Variants in VPS72 observed in about 807,000 individuals in gnomAD.
VPS72 encodes the protein vacuolar protein sorting-associated protein 72 homolog.
VPS72 carries 27 observed loss-of-function variants against 38.9 expected under a neutral mutation model. The observed-to-expected ratio is 0.69, with a 90% CI of 0.51 to 0.96. The LOEUF is 0.96. Ranked by LOEUF, VPS72 falls within the 40% of genes least tolerant of loss-of-function variation. The pLI, the probability that VPS72 is intolerant of heterozygous loss-of-function variation, is 0.00. For synonymous variants in VPS72, 173 were observed against 186.3 expected, an observed-to-expected ratio of 0.93 and a Z score of 0.58; for missense variants, 360 against 479.5, an observed-to-expected ratio of 0.75 and a Z score of 2.33.
chr1:151,188,788 T>C (rs587765018), intron 1 of VPS72, among the ~76,000 whole-genome samples: 2 of 152,326 alleles, frequency 1.3e-5, no homozygotes, highest in South Asian at 4.1e-4. Flanking sequence ...GGTTCAGATG[T>C]ATTACCTTAA....
chr1:151,183,551 T>G (rs2101726681), intron 4 of VPS72, among the ~76,000 whole-genome samples: 1 of 145,738 alleles, frequency 6.9e-6, no homozygotes, highest in East Asian at 2.2e-4. Flanking sequence ...AACTTCCACC[T>G]CCCAGGTTCA....
rs181171653 is a variant in VPS72 at position 151,188,907 on chromosome 1, T to C, written c.117+1098A>G. Among the ~76,000 whole-genome samples, 1,417 of 152,212 alleles carry C rather than the reference T, an allele frequency of 9.3e-3. 7 individuals carry two copies. Among genetic ancestry groups the C allele is most frequent in the Middle Eastern group, 0.02 (6 of 294 alleles). On this transcript the variant is annotated intron_variant, in intron 1 of 5. Transcript: ENST00000368892. Reference sequence around the variant, plus strand: ...GTGCAGTGGTACGATCTCGGCTCACTGCAACCTCCTCCTCCCAGGTTCAAG... The same window carrying C: ...GTGCAGTGGTACGATCTCGGCTCACCGCAACCTCCTCCTCCCAGGTTCAAG...
chr1:151,181,599 A>G (rs1310654381), intron 4 of VPS72, among the ~76,000 whole-genome samples: 2 of 152,038 alleles, frequency 1.3e-5, no homozygotes, highest in Admixed American at 6.6e-5. Context: ...CAATCACTTC[A>G]GTCACTCTCC....
At position 151,176,980 on chromosome 1, in the gene VPS72, T is replaced by C; in HGVS notation, c.759A>G (p.Gly253=). Residue 253 remains glycine, a synonymous_variant, in exon 6 of 6, where the codon GGA becomes GGG. Transcript: ENST00000368892. ...VSALTPHAGT[G]PVNPPARCSR... is the part of the protein sequence containing the mutation. ...AGCAGCGAGCAGGGGGGTTGACGGG[T>C]CCAGTCCCAGCATGAGGAGTCAATG... 6.2e-7 allele frequency: 1 copy of C among 1,601,268 alleles called. No homozygotes were observed. Among genetic ancestry groups the C allele is most frequent in the Non-Finnish European group, 8.5e-7 (1 of 1,172,332 alleles).
Position 151,176,989 on chromosome 1 carries a change from A to G in VPS72, c.750T>C (p.Ala250=). The G allele has an allele frequency of 3.1e-6, 5 of 1,594,504 alleles. No individual in the cohort carries two copies. The highest frequency in any genetic ancestry group is 4.3e-6 in the Non-Finnish European group (5 of 1,168,510). Residue 250 remains alanine, a synonymous_variant, in exon 6 of 6, where the codon GCT becomes GCC. Coordinates refer to ENST00000368892, the MANE Select transcript of VPS72 (RefSeq NM_005997.3). ...APSVSALTPH[A]GTGPVNPPAR... ...CAGGGGGGTTGACGGGTCCAGTCCC[A>G]GCATGAGGAGTCAATGCAGACACCG...
chr1:151,179,932 A>G (rs1322943944), intron 4 of VPS72, among the ~76,000 whole-genome samples: 1 of 152,058 alleles, frequency 6.6e-6, no homozygotes, highest in Admixed American at 6.6e-5. Context: ...GAATCAAAAT[A>G]TTCCTCGTCC....
chr1:151,176,850 G>A lies in VPS72; in HGVS notation c.889C>T (p.Arg297Cys), dbSNP rs748672540. 6.8e-6 allele frequency: 11 copies of A among 1,614,048 alleles called. No individual in the cohort carries two copies. In the African/African-American group the frequency reaches 9.3e-5, roughly 14 times the overall value. The change falls in exon 6 of 6, where the codon CGT becomes TGT. Residue 297 changes from arginine to cysteine, a missense_variant. Arg to Cys is a radical substitution (Grantham distance 180). Transcript: ENST00000368892. ...PVREVCPVTH[R>C]PALYRDPVTD... ...ACAGGGTCCCGGTATAGGGCTGGAC[G>A]ATGGGTCACTGGACAGACCTCACGA...
At chr1:151,188,778 G>A (rs910821532) in intron 1 of VPS72, among the ~76,000 whole-genome samples, 1 of 152,064 alleles carries the variant, frequency 6.6e-6, no homozygotes, top group African/African-American at 2.4e-5. Context: ...CAACAACTTT[G>A]GTTCAGATGT....
At position 151,177,213 on chromosome 1, in the gene VPS72, T is replaced by G. The variant is rs12402450; in HGVS notation, c.708-182A>C. ...CAGCCTGACTAACAAGGTGAAACCC[T>G]GTCTCTACTAAAAATACAAAAATTA... On this transcript the variant is annotated intron_variant, in intron 5 of 5. Transcript: ENST00000368892. 7,057 of 602,706 alleles carry G rather than the reference T, an allele frequency of 0.012. 394 individuals are homozygous for G. In the East Asian group the frequency reaches 0.12, roughly 11 times the overall value. 37.3% of individuals were successfully genotyped at this position (602,706 alleles called of 1,614,324 possible).
In VPS72 at chr1:151,176,922, T is replaced by C; in HGVS notation, c.817A>G (p.Thr273Ala). ...RTFITFSDDA[T>A]FEEWFPQGRP... ...CCTTGGGGGAACCATTCCTCGAAAG[T>C]TGCATCATCACTAAAAGTGATGAAG... Residue 273 changes from threonine to alanine, a missense_variant, in exon 6 of 6, where the codon ACT (threonine) becomes GCT (alanine). Thr to Ala is a moderately conservative substitution (Grantham distance 58, BLOSUM62 0). Around this residue, in one of 2 missense-constraint regions of VPS72, gnomAD observed 294 missense variants for 356.3 expected, o/e 0.83. Coordinates refer to ENST00000368892, the MANE Select transcript of VPS72 (RefSeq NM_005997.3). 2 of 1,613,694 alleles carry C rather than the reference T, an allele frequency of 1.2e-6. No homozygotes were observed. Among genetic ancestry groups the C allele is most frequent in the Non-Finnish European group, 1.7e-6 (2 of 1,179,858 alleles).
chr1:151,176,515 G>C lies in VPS72; in HGVS notation c.*129C>G, dbSNP rs587757976. The C allele has an allele frequency of 6.4e-6, 9 of 1,417,232 alleles. No individual in the cohort carries two copies. The South Asian group carries it at 1.1e-4, about 18-fold the overall frequency. 87.8% of individuals were successfully genotyped at this position (1,417,232 alleles called of 1,614,324 possible). On this transcript the variant is annotated 3_prime_UTR_variant, in exon 6 of 6. Transcript: ENST00000368892. ...AACACAACGAAACCTGTAAGAACTA[G>C]GGGAAAAGGAAAAAGAAACAGATTA...
chr1:151,184,501 A>G lies in VPS72; in HGVS notation c.386-8T>C. 1 of 1,595,118 alleles carries G rather than the reference A, an allele frequency of 6.3e-7. No homozygotes were observed. Among genetic ancestry groups the G allele is most frequent in the Non-Finnish European group, 8.6e-7 (1 of 1,167,264 alleles). Reference sequence around the variant, plus strand: ...GACGCATAGACTTCCGACCTGGAAGAGAGTGAGATAAGAAGAAATCTTTGA... The same window carrying G: ...GACGCATAGACTTCCGACCTGGAAGGGAGTGAGATAAGAAGAAATCTTTGA... On this transcript the variant is annotated splice_polypyrimidine_tract_variant and splice_region_variant and intron_variant, in intron 3 of 5. Transcript: ENST00000368892.
chr1:151,176,946 AG>A lies in VPS72; in HGVS notation c.792del (p.Phe265SerfsTer30). 1 of 1,613,034 alleles carries A rather than the reference AG, an allele frequency of 6.2e-7. No individual in the cohort carries two copies. Among genetic ancestry groups the A allele is most frequent in the Non-Finnish European group, 8.5e-7 (1 of 1,179,132 alleles). On this transcript the variant is annotated frameshift_variant, in exon 6 of 6. Coordinates refer to ENST00000368892, the MANE Select transcript of VPS72 (RefSeq NM_005997.3). LOFTEE classifies it high-confidence loss of function. The stretch of plus-strand genomic sequence containing the variant: ...GTTGCATCATCACTAAAAGTGATGA[AG>A]GTACGTGAGCAGCGAGCAGGGGGGT... ...PVNPPARCSR[T>X]FITFSDDATF... is the part of the protein sequence containing the mutation.
At chr1:151,185,740 T>C in intron 2 of VPS72, 58 bp downstream of exon 2, 1 of 1,611,414 alleles carries the variant, frequency 6.2e-7, no homozygotes, top group Non-Finnish European at 8.5e-7. Flanking sequence ...TACTGGGACC[T>C]GATGAAAGAG....
chr1:151,187,451 C>A (rs184712873), intron 1 of VPS72, among the ~76,000 whole-genome samples: 37 of 152,308 alleles, frequency 2.4e-4, no homozygotes, highest in Non-Finnish European at 4.4e-4. Context: ...ACACATTAAT[C>A]CCCTCAGCTT....
rs1471540083 is a variant in VPS72, at chr1:151,177,753, G to A, written c.707+248C>T. 3.3e-5 allele frequency among the ~76,000 whole-genome samples: 5 copies of A among 151,848 alleles called. No individual in the cohort carries two copies. The South Asian group carries it at 1.0e-3, about 32-fold the overall frequency. ...AGCTACTTGGGAGGCTAAGGTGGGAGGATCGCCTGAGCACAGGAGGTGGAG... is the reference window on the plus strand; with the variant it reads ...AGCTACTTGGGAGGCTAAGGTGGGAAGATCGCCTGAGCACAGGAGGTGGAG... On this transcript the variant is annotated intron_variant, in intron 5 of 5. Coordinates refer to ENST00000368892, the MANE Select transcript of VPS72 (RefSeq NM_005997.3).
intron 1 of VPS72, among the ~76,000 whole-genome samples, chr1:151,187,140 G>C (rs1430430323): frequency 6.6e-6 from 1 of 152,154 alleles, no homozygotes; most frequent in Non-Finnish European, 1.5e-5. Flanking sequence ...GCCTGGAGTA[G>C]AGAACGTGAA....
intron 1 of VPS72, 103 bp downstream of exon 1, chr1:151,189,902 G>C (rs1172737478): frequency 5.9e-6 from 8 of 1,344,592 alleles, no homozygotes; most frequent in Non-Finnish European, 7.3e-6. Context: ...TCAGCTCCCA[G>C]AGCTCCTCTC....
intron 4 of VPS72, among the ~76,000 whole-genome samples, chr1:151,182,114 G>A (rs1684254993): frequency 1.3e-5 from 2 of 151,992 alleles, no homozygotes; most frequent in African/African-American, 2.4e-5. Flanking sequence ...CGCAACCCCC[G>A]CCTCCCGGGT....
Sources: allele counts gnomAD v4.1 joint callset (sites outside exome capture counted in the v4.1 genomes callset), GRCh38; gene constraint gnomAD v4.1.1; regional missense constraint gnomAD v4.1.1; transcripts MANE v1.5; gene names NCBI Gene and HGNC (gene_info 2026-07-23, HGNC 2026-07-21).